Variants in KRT3 observed in about 807,000 individuals in gnomAD.
KRT3 encodes keratin, type II cytoskeletal 3.
KRT3 carries 34 observed loss-of-function variants against 45.8 expected under a neutral mutation model. That is an observed-to-expected ratio of 0.74 (90% CI 0.57 to 0.99). The LOEUF is 0.99. Among genes scored for constraint, KRT3 ranks in the 50% least tolerant of loss-of-function variants. The probability of loss-of-function intolerance (pLI) is 0.00; values close to 1 mark genes in which losing one functional copy is unlikely to be tolerated. For synonymous variants in KRT3, 367 were observed against 329.0 expected (o/e 1.12, Z -1.25); for missense variants, 828 against 820.6 (o/e 1.01, Z -0.11).
At chr12:52,792,489 A>C in intron 4 of KRT3, 86 bp from the exon 5 acceptor site, 13 of 1,323,368 alleles carry the variant, frequency 9.8e-6, no homozygotes, top group African/African-American at 1.4e-5. Flanking sequence ...CAACAGTCTC[A>C]TTCACTGATT....
chr12:52,793,997 A>G (rs1016258616), intron 2 of KRT3, 114 bp downstream of exon 2: 1 of 738,914 alleles, frequency 1.4e-6, no homozygotes, highest in Admixed American at 2.2e-5. Context: ...AGGTAAGGAG[A>G]GGGAAATGGG....
In KRT3 at chr12:52,794,318, T is replaced by C; in HGVS notation, c.659A>G (p.Glu220Gly). ...GGTCTCCAGGACTTTGTTCTGTTGC[T>C]CCAGGAACCGCACCTGCAATGGTTG... ...ASFIDKVRFL[E>G]QQNKVLETKW... is the part of the protein sequence containing the mutation. The change falls in exon 2 of 9, where the codon GAG (glutamate) becomes GGG (glycine). Residue 220 changes from glutamate to glycine, a missense_variant. Glu to Gly is a moderately conservative substitution (Grantham distance 98, BLOSUM62 -2). Transcript: ENST00000417996. The C allele has an allele frequency of 6.2e-7, 1 of 1,613,766 alleles. No individual in the cohort carries two copies. Among genetic ancestry groups the C allele is most frequent in the Non-Finnish European group, 8.5e-7 (1 of 1,179,922 alleles).
intron 8 of KRT3, 103 bp from the exon 9 acceptor site, chr12:52,790,461 A>G: frequency 8.5e-7 from 1 of 1,176,826 alleles, no homozygotes; most frequent in East Asian, 2.6e-5. Flanking sequence ...GAGCTGATCA[A>G]GGCAGCTTTG....
Position 52,789,995 on chromosome 12 carries a change from G to T in KRT3, c.*47C>A. 1 of 1,514,748 alleles carries T rather than the reference G, an allele frequency of 6.6e-7. No homozygotes were observed. The highest frequency in any genetic ancestry group is 2.0e-5 in the Admixed American group (1 of 50,960). The allele number at this position is 1,514,748 out of a possible 1,614,324, so 93.8% of individuals were successfully genotyped here. A position where few individuals can be genotyped will look rare whatever the true frequency, so the allele number is the denominator to read the frequency against. ...GGTGTTGCCAATATGGGGGCGTGGGGAGCGGAGGGGAGGCGCTGGAGTGGC... is the reference window on the plus strand; with the variant it reads ...GGTGTTGCCAATATGGGGGCGTGGGTAGCGGAGGGGAGGCGCTGGAGTGGC... On this transcript the variant is annotated 3_prime_UTR_variant, in exon 9 of 9. Transcript: ENST00000417996.
chr12:52,792,809 G>A lies in KRT3; in HGVS notation c.928-3C>T, dbSNP rs771898686. ...TTCATATAGGCACTGTCCACATCCT[G>A]AGAAAAGAGGAAGATAAAGGCCTTA... On this transcript the variant is annotated splice_region_variant and splice_polypyrimidine_tract_variant and intron_variant, in intron 3 of 8. Coordinates refer to ENST00000417996, the MANE Select transcript of KRT3 (RefSeq NM_057088.3). 2 of 1,592,600 alleles carry A rather than the reference G, an allele frequency of 1.3e-6. No individual in the cohort carries two copies. Among genetic ancestry groups the A allele is most frequent in the Non-Finnish European group, 1.7e-6 (2 of 1,162,236 alleles).
In KRT3 at chr12:52,791,361, G is replaced by A. The variant is rs1352714680; in HGVS notation, c.1380C>T (p.Ala460=). ...EQHGEMALKD[A]NAKLQELQAA... The stretch of plus-strand genomic sequence containing the variant: ...CCTGCAGCTCTTGGAGCTTGGCATT[G>A]GCATCCTTGAGGGCCATCTCTCCAT... Residue 460 remains alanine (A), a synonymous_variant, in exon 7 of 9, where the codon GCC becomes GCT. Coordinates refer to ENST00000417996, the MANE Select transcript of KRT3 (RefSeq NM_057088.3). 1.9e-6 allele frequency: 3 copies of A among 1,614,220 alleles called. No homozygotes were observed. Among genetic ancestry groups the A allele is most frequent in the Non-Finnish European group, 1.7e-6 (2 of 1,180,026 alleles).
chr12:52,790,932 C>T (rs761977518), intron 7 of KRT3, 60 bp from the exon 8 acceptor site: 139 of 1,502,514 alleles, frequency 9.3e-5, no homozygotes, highest in Admixed American at 1.7e-4. Flanking sequence ...AACAAGTCCA[C>T]GGACCAAGGG....
chr12:52,794,702 C>T (rs1040400441), intron 1 of KRT3, among the ~76,000 whole-genome samples: 1 of 152,198 alleles, frequency 6.6e-6, no homozygotes, highest in Admixed American at 6.5e-5. Context: ...ACTCTACTGA[C>T]ATGCTAGCTC....
intron 2 of KRT3, among the ~76,000 whole-genome samples, chr12:52,793,563 G>T (rs1193819123): frequency 6.6e-6 from 1 of 152,050 alleles, no homozygotes; most frequent in African/African-American, 2.4e-5. Context: ...ATGAGGAAAT[G>T]CTTCCCCAAC....
At position 52,795,845 on chromosome 12, in the gene KRT3, G is replaced by A; in HGVS notation, c.198C>T (p.Ile66=). ...SLYNLGGNKS[I]SISVAAGGSR... Reference sequence around the variant, plus strand: ...AGCCGCCAGCTGCCACGCTGATGGAGATGCTCTTGTTGCCGCCCAGGTTGT... The same window carrying A: ...AGCCGCCAGCTGCCACGCTGATGGAAATGCTCTTGTTGCCGCCCAGGTTGT... The change falls in exon 1 of 9, where the codon ATC becomes ATT. Residue 66 remains isoleucine, a synonymous_variant. Coordinates refer to ENST00000417996, the MANE Select transcript of KRT3 (RefSeq NM_057088.3). The A allele has an allele frequency of 6.2e-7, 1 of 1,614,174 alleles. No homozygotes were observed. Among genetic ancestry groups the A allele is most frequent in the Non-Finnish European group, 8.5e-7 (1 of 1,180,012 alleles).
intron 1 of KRT3, among the ~76,000 whole-genome samples, chr12:52,794,562 C>T (rs1245391679): frequency 7.2e-5 from 11 of 152,214 alleles, no homozygotes; most frequent in Admixed American, 7.2e-4. Flanking sequence ...GGGGAAGTAG[C>T]TCCTACCTGA....
Position 52,795,719 on chromosome 12 carries a change from G to A in KRT3, c.324C>T (p.Gly108=). The change falls in exon 1 of 9, where the codon GGC becomes GGT. Residue 108 remains glycine (G), a synonymous_variant. Coordinates refer to ENST00000417996, the MANE Select transcript of KRT3 (RefSeq NM_057088.3). ...GSGYGGGFGG[G]FGGGRGMGGG... The stretch of plus-strand genomic sequence containing the variant: ...CTCCCATTCCTCTGCCACCACCAAA[G>A]CCACCACCAAAGCCACCTCCATAGC... The A allele has an allele frequency of 6.2e-7, 1 of 1,613,188 alleles. No individual in the cohort carries two copies. The highest frequency in any genetic ancestry group is 8.5e-7 in the Non-Finnish European group (1 of 1,179,610).
intron 3 of KRT3, 86 bp from the exon 4 acceptor site, chr12:52,792,892 G>T: frequency 1.1e-6 from 1 of 887,770 alleles, no homozygotes; most frequent in Non-Finnish European, 1.8e-6. Context: ...AGAGGGGACT[G>T]GTGCAGTGAT....
Position 52,792,284 on chromosome 12 carries a change from GATATCCTC to G in KRT3, c.1135_1142del (p.Glu379ArgfsTer9). Reference sequence around the variant, plus strand: ...CAGCTTCGGCCTTGCTTCTCTGAGCGATATCCTCATACTGTGCACGAACTTCAGCAATG... The same window carrying G: ...CAGCTTCGGCCTTGCTTCTCTGAGCGATACTGTGCACGAACTTCAGCAATG... On this transcript the variant is annotated frameshift_variant, in exon 5 of 9. Coordinates refer to ENST00000417996, the MANE Select transcript of KRT3 (RefSeq NM_057088.3). LOFTEE classifies it high-confidence loss of function. The G allele has an allele frequency of 6.2e-7, 1 of 1,614,092 alleles. No individual in the cohort carries two copies. The highest frequency in any genetic ancestry group is 8.5e-7 in the Non-Finnish European group (1 of 1,179,978).
At chr12:52,793,087 T>C in intron 3 of KRT3, 76 bp downstream of exon 3, 2 of 1,169,574 alleles carry the variant, frequency 1.7e-6, no homozygotes, top group Non-Finnish European at 1.3e-6. Context: ...TCTGTGGCAG[T>C]GGAGTGAGGA....
chr12:52,790,287 C>A lies in KRT3; in HGVS notation c.1642G>T (p.Gly548Cys), dbSNP rs754068887. 4 of 1,558,152 alleles carry A rather than the reference C, an allele frequency of 2.6e-6. No homozygotes were observed. Among genetic ancestry groups the A allele is most frequent in the African/African-American group, 1.4e-5 (1 of 73,442 alleles). ...GCACTGAAGCCACCTCCTAAACCAC[C>A]GCCCATGCCTCCGCCGTAACCTCCT... ...YGGGYGGGMGGGLGGGFSAGG... is the reference protein window; with the variant it reads ...YGGGYGGGMGCGLGGGFSAGG... The change falls in exon 9 of 9, where the codon GGT (glycine) becomes TGT (cysteine). Residue 548 changes from glycine (G) to cysteine (C), a missense_variant. Physicochemically the swap from Gly to Cys is radical, Grantham distance 159 (BLOSUM62 -3). Coordinates refer to ENST00000417996, the MANE Select transcript of KRT3 (RefSeq NM_057088.3).
intron 7 of KRT3, 102 bp downstream of exon 7, chr12:52,791,104 C>A (rs1472588003): frequency 6.4e-7 from 1 of 1,569,554 alleles, no homozygotes; most frequent in East Asian, 2.3e-5. Context: ...CAAGGCCTCT[C>A]TTTATACAGC....
In KRT3 at chr12:52,795,689, G is replaced by A; in HGVS notation, c.354C>T (p.Gly118=). 1 of 1,610,706 alleles carries A rather than the reference G, an allele frequency of 6.2e-7. No homozygotes were observed. The highest frequency in any genetic ancestry group is 1.1e-5 in the South Asian group (1 of 90,444). The change falls in exon 1 of 9, where the codon GGC becomes GGT. Residue 118 remains glycine, a synonymous_variant. Coordinates refer to ENST00000417996, the MANE Select transcript of KRT3 (RefSeq NM_057088.3). ...GFGGGRGMGG[G]FGGAGGFGGA... ...CTCCAAAGCCACCAGCTCCACCAAA[G>A]CCACCTCCCATTCCTCTGCCACCAC...
chr12:52,792,823 A>G lies in KRT3; in HGVS notation c.928-17T>C. 1 of 1,535,694 alleles carries G rather than the reference A, an allele frequency of 6.5e-7. No homozygotes were observed. Among genetic ancestry groups the G allele is most frequent in the Non-Finnish European group, 9.0e-7 (1 of 1,110,034 alleles). ...GTCCACATCCTGAGAAAAGAGGAAG[A>G]TAAAGGCCTTATTCTCCCAATGAAC... On this transcript the variant is annotated splice_polypyrimidine_tract_variant and intron_variant, in intron 3 of 8. Coordinates refer to ENST00000417996, the MANE Select transcript of KRT3 (RefSeq NM_057088.3).
Sources: allele counts gnomAD v4.1 joint callset (sites outside exome capture counted in the v4.1 genomes callset), GRCh38; gene constraint gnomAD v4.1.1; transcripts MANE v1.5; gene names NCBI Gene and HGNC (gene_info 2026-07-23, HGNC 2026-07-21).